The following ENOSF1 variants were observed in gnomAD, a reference collection of about 807,000 sequenced individuals.
ENOSF1 encodes mitochondrial enolase superfamily member 1.
A neutral mutation model predicts 68.2 loss-of-function variants in ENOSF1; 73 were observed. The ratio of observed to expected loss-of-function variants is 1.07; its 90% confidence interval spans 0.89 to 1.30. The LOEUF (loss-of-function observed/expected upper bound fraction) is 1.30. Ranked by LOEUF, ENOSF1 falls within the 50% of genes most tolerant of loss-of-function variation. The pLI is 0.00. For synonymous variants in ENOSF1, 223 were observed against 210.4 expected, an observed-to-expected ratio of 1.06 and a Z score of -0.52; for missense variants, 589 against 554.5, an observed-to-expected ratio of 1.06 and a Z score of -0.62.
In ENOSF1 at chr18:672,697, C is replaced by T; in HGVS notation, c.*1608G>A. The T allele has an allele frequency of 1.5e-6, 1 of 681,114 alleles. No homozygotes were observed. Among genetic ancestry groups the T allele is most frequent in the African/African-American group, 1.8e-5 (1 of 56,558 alleles). The allele number at this position is 681,114 out of a possible 1,614,324, so 42.2% of individuals were successfully genotyped here. A position where few individuals can be genotyped will look rare whatever the true frequency, so the allele number is the denominator to read the frequency against. On this transcript the variant is annotated 3_prime_UTR_variant, in exon 16 of 16. Coordinates refer to ENST00000647584, the MANE Select transcript of ENOSF1 (RefSeq NM_017512.7). ...CTGTGCAAGAGAACAGCTGGTTGCG[C>T]TCCAATCATGTTACATAACCTACGG...
At chr18:683,009 C>T (rs563489867) in intron 11 of ENOSF1, 1 of 474,264 alleles carries the variant, frequency 2.1e-6, no homozygotes, top group Non-Finnish European at 3.7e-6. Context: ...AGCCCTTCAA[C>T]TTTTAGCAGC....
chr18:670,559 C>A lies in ENOSF1; in HGVS notation c.*3746G>T. The A allele has an allele frequency of 1.1e-6, 1 of 923,994 alleles. No homozygotes were observed. The highest frequency in any genetic ancestry group is 1.6e-6 in the Non-Finnish European group (1 of 609,508). 57.2% of individuals were successfully genotyped at this position (923,994 alleles called of 1,614,324 possible). ...GCTGCAGAGGCTGTTATGGACATCA[C>A]TGCAGCCCAGTGGCTCTCTCTCCTG... On this transcript the variant is annotated 3_prime_UTR_variant, in exon 16 of 16. Coordinates refer to ENST00000647584, the MANE Select transcript of ENOSF1 (RefSeq NM_017512.7).
At chr18:687,261 T>A (rs2606256) in intron 9 of ENOSF1, 30,715 of 152,160 alleles carry the variant, frequency 0.2, 3,399 homozygotes, top group Admixed American at 0.27. Flanking sequence ...TGCCAACACC[T>A]CTTTCCGCGG....
At chr18:692,983 C>T (rs1455311089) in intron 5 of ENOSF1, 2 of 1,174,300 alleles carry the variant, frequency 1.7e-6, no homozygotes, top group Non-Finnish European at 1.1e-6. Context: ...ATTTGTGGAT[C>T]ACGAGGTTTT....
intron 8 of ENOSF1, among the ~76,000 whole-genome samples, chr18:689,470 C>T (rs566952685): frequency 1.2e-4 from 18 of 152,166 alleles, no homozygotes; most frequent in Middle Eastern, 3.4e-3. Context: ...TTAGTAGAGA[C>T]GGGGTTTCAC....
chr18:708,872 G>A (rs1005751764), intron 1 of ENOSF1, among the ~76,000 whole-genome samples: 8 of 152,160 alleles, frequency 5.3e-5, no homozygotes, highest in African/African-American at 1.4e-4. Context: ...GGAGTTGAGC[G>A]ATGAGGCTGA....
chr18:672,284 G>A lies in ENOSF1; in HGVS notation c.*2021C>T, dbSNP rs1329034091. 6.6e-6 allele frequency: 1 copy of A among 152,240 alleles called. No homozygotes were observed. Among genetic ancestry groups the A allele is most frequent in the Non-Finnish European group, 1.5e-5 (1 of 68,066 alleles). The allele number at this position is 152,240 out of a possible 1,614,324, so 9.4% of individuals were successfully genotyped here. A position where few individuals can be genotyped will look rare whatever the true frequency, so the allele number is the denominator to read the frequency against. On this transcript the variant is annotated 3_prime_UTR_variant, in exon 16 of 16. Coordinates refer to ENST00000647584, the MANE Select transcript of ENOSF1 (RefSeq NM_017512.7). ...TCCAGGTTAGATCCAGGTTTTAAAA[G>A]TTACTCCTTTGAGGGAGTTTGGCTG... is the stretch of plus-strand genomic sequence containing the variant.
intron 2 of ENOSF1, among the ~76,000 whole-genome samples, chr18:700,880 A>C (rs1322840430): frequency 1.4e-5 from 2 of 138,782 alleles, no homozygotes; most frequent in East Asian, 2.1e-4. Flanking sequence ...ACAAGAGCGA[A>C]ACTCTGCCTC....
chr18:709,276 C>T (rs1282469183), intron 1 of ENOSF1, among the ~76,000 whole-genome samples: 1 of 151,958 alleles, frequency 6.6e-6, no homozygotes, highest in Non-Finnish European at 1.5e-5. Flanking sequence ...CGGAAAGACA[C>T]TGAGGCCTGA....
intron 13 of ENOSF1, 147 bp from the exon 14 acceptor site, chr18:677,591 A>C (rs913923887): frequency 2.3e-6 from 3 of 1,304,384 alleles, no homozygotes; most frequent in South Asian, 1.5e-5. Context: ...GAAAATCATC[A>C]AAAATTCCCG....
In ENOSF1 at chr18:697,321, C is replaced by A. The variant is rs777918511; in HGVS notation, c.228G>T (p.Val76=). The change falls in exon 3 of 16, where the codon GTG becomes GTT. Residue 76 remains valine (V), a synonymous_variant. Transcript: ENST00000647584. ...VCAVNALAHH[V]LNKDLKDIVG... ...CAATGTCCTTGAGGTCCTTGTTGAG[C>A]ACATGGTGGGCGAGGGCATTCACAG... 7.4e-6 allele frequency: 12 copies of A among 1,613,934 alleles called. No individual in the cohort carries two copies. In the South Asian group the frequency reaches 1.3e-4, roughly 18 times the overall value.
intron 5 of ENOSF1, chr18:692,900 G>T (rs1253160309): frequency 1.7e-6 from 2 of 1,150,916 alleles, no homozygotes; most frequent in Non-Finnish European, 2.2e-6. Context: ...GCAGTCTCCT[G>T]CCCAACACTC....
chr18:678,546 A>C, intron 12 of ENOSF1, 150 bp downstream of exon 12: 1 of 763,688 alleles, frequency 1.3e-6, no homozygotes. Flanking sequence ...CTAGACTCTG[A>C]TAAAATGACC....
chr18:669,643 C>A (rs1468627767), downstream of ENOSF1, among the ~76,000 whole-genome samples: 1 of 151,986 alleles, frequency 6.6e-6, no homozygotes. Flanking sequence ...ACCAGATGAT[C>A]TTAATTTGTG....
downstream of ENOSF1, among the ~76,000 whole-genome samples, chr18:667,125 TGATGGA>T (rs200837365): frequency 1.2e-3 from 88 of 73,584 alleles, 10 homozygotes; most frequent in South Asian, 1.3e-3. Context: ...ATGGTGATGG[TGATGGA>T]GATGGTGATG....
At chr18:685,084 A>T (rs1311610160) in intron 10 of ENOSF1, among the ~76,000 whole-genome samples, 2 of 152,098 alleles carry the variant, frequency 1.3e-5, no homozygotes, top group Admixed American at 6.5e-5. Context: ...GGCTGGTCCC[A>T]AACTCCTGGC....
At chr18:667,173 T>A (rs796868916), downstream of ENOSF1, among the ~76,000 whole-genome samples, 81 of 67,296 alleles carry the variant, frequency 1.2e-3, no homozygotes, top group Admixed American at 1.5e-3. Context: ...ATGGTGATGG[T>A]GATGGTGATG....
At chr18:693,472 G>C (rs959025767) in intron 5 of ENOSF1, 16 of 985,276 alleles carry the variant, frequency 1.6e-5, no homozygotes, top group Non-Finnish European at 1.9e-5. Context: ...ACCATGCCTG[G>C]CCTGGATAAT....
intron 13 of ENOSF1, 97 bp from the exon 14 acceptor site, chr18:677,541 T>G: frequency 8.1e-7 from 1 of 1,235,870 alleles, no homozygotes; most frequent in Non-Finnish European, 1.1e-6. Flanking sequence ...CCACAGGTGA[T>G]TAAATCATTT....
Sources: allele counts gnomAD v4.1 joint callset (sites outside exome capture counted in the v4.1 genomes callset), GRCh38; gene constraint gnomAD v4.1.1; transcripts MANE v1.5; gene names NCBI Gene and HGNC (gene_info 2026-07-23, HGNC 2026-07-21).